The following ELP3 variants were observed in gnomAD, a reference collection of about 807,000 sequenced individuals.
ELP3 encodes elongator complex protein 3.
A neutral mutation model predicts 74.9 loss-of-function variants in ELP3; 56 were observed. The ratio of observed to expected loss-of-function variants is 0.75; its 90% confidence interval spans 0.60 to 0.93. ELP3 has a LOEUF of 0.93. Among genes scored for constraint, ELP3 ranks in the 40% least tolerant of loss-of-function variants. The probability of loss-of-function intolerance (pLI) is 0.00; values close to 1 mark genes in which losing one functional copy is unlikely to be tolerated. For missense variants in ELP3, 573 were observed against 686.5 expected, an observed-to-expected ratio of 0.83 and a Z score of 1.85; for synonymous variants, 222 against 239.8, an observed-to-expected ratio of 0.93 and a Z score of 0.68.
chr8:28,153,913 T>C (rs1813731805), intron 10 of ELP3, among the ~76,000 whole-genome samples: 1 of 152,146 alleles, frequency 6.6e-6, no homozygotes, highest in Non-Finnish European at 1.5e-5. Flanking sequence ...GGCCCTACCT[T>C]TAGGCCTCTG....
intron 4 of ELP3, among the ~76,000 whole-genome samples, chr8:28,107,219 G>T (rs1811733876): frequency 6.6e-6 from 1 of 152,218 alleles, no homozygotes; most frequent in African/African-American, 2.4e-5. Flanking sequence ...CTGCACTCCA[G>T]CCTGGGCAAC....
At chr8:28,111,887 A>G (rs1811931136) in intron 6 of ELP3, among the ~76,000 whole-genome samples, 1 of 152,204 alleles carries the variant, frequency 6.6e-6, no homozygotes, top group Admixed American at 6.5e-5. Context: ...AGATATTTTT[A>G]AAAACTACCA....
intron 7 of ELP3, among the ~76,000 whole-genome samples, chr8:28,115,256 T>C (rs935822199): frequency 6.6e-6 from 1 of 151,986 alleles, no homozygotes; most frequent in African/African-American, 2.4e-5. Flanking sequence ...AACTGGGGAT[T>C]ATCAGCTCAT....
At chr8:28,153,968 A>T (rs1585716804) in intron 10 of ELP3, among the ~76,000 whole-genome samples, 2 of 152,240 alleles carry the variant, frequency 1.3e-5, no homozygotes, top group Middle Eastern at 6.8e-3. Flanking sequence ...GCACCTCTTC[A>T]TTCATTTTCT....
chr8:28,137,864 C>G lies in ELP3; in HGVS notation c.1073C>G (p.Pro358Arg). 1 of 1,612,966 alleles carries G rather than the reference C, an allele frequency of 6.2e-7. No homozygotes were observed. The highest frequency in any genetic ancestry group is 8.5e-7 in the Non-Finnish European group (1 of 1,179,680). Residue 358 changes from proline (P) to arginine (R), a missense_variant, in exon 10 of 15, where the codon CCA becomes CGA. Physicochemically the swap from Pro to Arg is moderately radical, Grantham distance 103 (BLOSUM62 -2). Coordinates refer to ENST00000256398, the MANE Select transcript of ELP3 (RefSeq NM_018091.6). ...LVARILALVP[P>R]WTRVYRVQRD... is the part of the protein sequence containing the mutation. ...GCTCGGATCCTAGCCCTCGTGCCTC[C>G]ATGGACTCGAGTGTACCGAGTACAG...
intron 10 of ELP3, among the ~76,000 whole-genome samples, chr8:28,151,567 G>A (rs1412939341): frequency 5.9e-5 from 9 of 152,190 alleles, no homozygotes; most frequent in Non-Finnish European, 1.2e-4. Flanking sequence ...ATAGTAACCC[G>A]ATGGTAAGAT....
intron 7 of ELP3, among the ~76,000 whole-genome samples, chr8:28,114,143 C>G (rs1812029381): frequency 6.6e-6 from 1 of 151,460 alleles, no homozygotes; most frequent in South Asian, 2.1e-4. Context: ...TGAGGGCCCA[C>G]TAGATACTAT....
rs558092425 is a variant in ELP3 at position 28,146,499 on chromosome 8, T to C, written c.1100+8608T>C. Among the ~76,000 whole-genome samples the C allele has an allele frequency of 1.6e-4, 24 of 152,364 alleles. No homozygotes were observed. In the South Asian group the frequency reaches 5.0e-3, roughly 32 times the overall value. On this transcript the variant is annotated intron_variant, in intron 10 of 14. Coordinates refer to ENST00000256398, the MANE Select transcript of ELP3 (RefSeq NM_018091.6). The stretch of plus-strand genomic sequence containing the variant: ...TGAAATAGAACAGTGAATGTTCTTG[T>C]ATGTAATCGATCTTCAGGCCAAGAA...
intron 5 of ELP3, 68 bp downstream of exon 5, chr8:28,108,044 A>T (rs1221024586): frequency 2.3e-5 from 31 of 1,325,648 alleles, no homozygotes; most frequent in Non-Finnish European, 3.1e-5. Flanking sequence ...TGGTTTTACC[A>T]GTACTGGCTT....
At chr8:28,183,442 T>A (rs1815100112) in intron 14 of ELP3, among the ~76,000 whole-genome samples, 1 of 152,134 alleles carries the variant, frequency 6.6e-6, no homozygotes, top group East Asian at 1.9e-4. Flanking sequence ...CCATTCTTTC[T>A]TGAGAGAGTC....
intron 7 of ELP3, among the ~76,000 whole-genome samples, chr8:28,115,558 G>T (rs1812096002): frequency 6.6e-6 from 1 of 152,176 alleles, no homozygotes; most frequent in African/African-American, 2.4e-5. Flanking sequence ...GTTGTCATGG[G>T]TGTTTAATAT....
rs752242709 is a variant in ELP3, at chr8:28,097,315, A to C, written c.116A>C (p.Asn39Thr). The C allele has an allele frequency of 2.1e-5, 33 of 1,608,644 alleles. No individual in the cohort carries two copies. Among genetic ancestry groups the C allele is most frequent in the Non-Finnish European group, 2.8e-5 (33 of 1,175,290 alleles). The change falls in exon 2 of 15, where the codon AAT (asparagine) becomes ACT (threonine). Residue 39 changes from asparagine (N) to threonine (T), a missense_variant. By Grantham distance (65) the Asn-to-Thr change is moderately conservative. Coordinates refer to ENST00000256398, the MANE Select transcript of ELP3 (RefSeq NM_018091.6). The part of the protein sequence containing the change: ...AHEQGKDIDL[N>T]KVKTKTAAKY... ...GAGCAGGGGAAAGACATCGATCTAA[A>C]TAAGTAAGTGGATATAAAGAGAGAG... is the stretch of plus-strand genomic sequence containing the variant.
chr8:28,155,822 G>C (rs1407534086), intron 10 of ELP3, 120 bp from the exon 11 acceptor site: 1 of 706,752 alleles, frequency 1.4e-6, no homozygotes, highest in Admixed American at 2.7e-5. Context: ...TTCCTGGTCA[G>C]CTTCATAGGT....
At chr8:28,130,161 C>G (rs1326818027) in intron 8 of ELP3, among the ~76,000 whole-genome samples, 1 of 152,004 alleles carries the variant, frequency 6.6e-6, no homozygotes, top group Admixed American at 6.6e-5. Flanking sequence ...TATTATGTTC[C>G]CTCTAGAAGT....
intron 10 of ELP3, among the ~76,000 whole-genome samples, chr8:28,143,908 T>C (rs1284166594): frequency 6.6e-6 from 1 of 152,230 alleles, no homozygotes; most frequent in Non-Finnish European, 1.5e-5. Context: ...TTGATATGGC[T>C]TTCCAAAGGG....
At chr8:28,129,433 G>A in intron 7 of ELP3, 69 bp from the exon 8 acceptor site, 3 of 1,536,216 alleles carry the variant, frequency 2.0e-6, no homozygotes, top group Non-Finnish European at 1.8e-6. Flanking sequence ...CAGAGAGAAG[G>A]CAGTTTTTTG....
At chr8:28,180,129 G>T (rs73228808) in intron 14 of ELP3, among the ~76,000 whole-genome samples, 2 of 151,898 alleles carry the variant, frequency 1.3e-5, no homozygotes, top group African/African-American at 4.8e-5. Flanking sequence ...TGGATTTCCC[G>T]TTTGGGCTTC....
intron 6 of ELP3, among the ~76,000 whole-genome samples, chr8:28,111,968 A>G (rs1164653369): frequency 6.6e-6 from 1 of 152,180 alleles, no homozygotes; most frequent in African/African-American, 2.4e-5. Context: ...TAGTGTTGAT[A>G]TATATGTACA....
At chr8:28,125,341 C>T (rs1256897564) in intron 7 of ELP3, among the ~76,000 whole-genome samples, 3 of 152,178 alleles carry the variant, frequency 2.0e-5, no homozygotes, top group African/African-American at 7.2e-5. Flanking sequence ...GCAGCATGTC[C>T]ACACAGGGAA....
Sources: allele counts gnomAD v4.1 joint callset (sites outside exome capture counted in the v4.1 genomes callset), GRCh38; gene constraint gnomAD v4.1.1; transcripts MANE v1.5; gene names NCBI Gene and HGNC (gene_info 2026-07-23, HGNC 2026-07-21).